Variants in PITPNB observed in about 807,000 individuals in gnomAD.
PITPNB encodes the protein phosphatidylinositol transfer protein beta.
Under a neutral mutation model 45.9 loss-of-function variants are expected in PITPNB, and 16 were observed. That is an observed-to-expected ratio of 0.35 (90% CI 0.24 to 0.53). The LOEUF is 0.53. Ranked by LOEUF, PITPNB falls within the 20% of genes least tolerant of loss-of-function variation. The probability of loss-of-function intolerance (pLI) is 0.93; values close to 1 mark genes in which losing one functional copy is unlikely to be tolerated. For synonymous variants in PITPNB, 112 were observed against 108.9 expected (o/e 1.03, Z -0.18); for missense variants, 188 against 330.5 (o/e 0.57, Z 3.34).
chr22:27,863,380 T>C (rs1934394975), intron 8 of PITPNB, among the ~76,000 whole-genome samples: 1 of 152,140 alleles, frequency 6.6e-6, no homozygotes, highest in South Asian at 2.1e-4. Context: ...GTGGTAAACA[T>C]TACATATCCT....
chr22:27,893,287 CTTT>C (rs33997388), intron 7 of PITPNB, among the ~76,000 whole-genome samples: 8 of 141,332 alleles, frequency 5.7e-5, no homozygotes, highest in Non-Finnish European at 4.7e-5. Flanking sequence ...CTGTTTTTTC[CTTT>C]TTTTTTTTTT....
intron 7 of PITPNB, among the ~76,000 whole-genome samples, chr22:27,889,907 A>C (rs1462399410): frequency 6.6e-6 from 1 of 152,266 alleles, no homozygotes; most frequent in Non-Finnish European, 1.5e-5. Context: ...GGGCAGAATG[A>C]AATGAACTAA....
At chr22:27,898,928 C>T (rs540327242) in intron 3 of PITPNB, among the ~76,000 whole-genome samples, 12 of 152,286 alleles carry the variant, frequency 7.9e-5, no homozygotes, top group African/African-American at 2.9e-4. Flanking sequence ...TAACAGTCTT[C>T]AAATAAATGC....
At position 27,858,370 on chromosome 22, in the gene PITPNB, A is replaced by G; in HGVS notation, c.768+17T>C. On this transcript the variant is annotated intron_variant, in intron 10 of 11. Coordinates refer to ENST00000335272, the MANE Select transcript of PITPNB (RefSeq NM_012399.5). ...AAAGGGAAAATTAGAGAATTGCCAT[A>G]GAACAGCCAGTCTTACTGTTTCTAG... The G allele has an allele frequency of 6.3e-7, 1 of 1,587,116 alleles. No homozygotes were observed. Among genetic ancestry groups the G allele is most frequent in the African/African-American group, 1.4e-5 (1 of 73,598 alleles).
chr22:27,896,469 A>T, intron 6 of PITPNB, 83 bp downstream of exon 6: 1 of 914,146 alleles, frequency 1.1e-6, no homozygotes, highest in Non-Finnish European at 1.8e-6. Context: ...AGGTGACATT[A>T]CTTTGATGAT....
chr22:27,878,390 C>T (rs773420760), intron 7 of PITPNB, among the ~76,000 whole-genome samples: 1 of 152,098 alleles, frequency 6.6e-6, no homozygotes, highest in African/African-American at 2.4e-5. Flanking sequence ...AAAAAGTTTA[C>T]ATTAAATTTT....
intron 8 of PITPNB, among the ~76,000 whole-genome samples, chr22:27,871,842 A>T (rs1934669587): frequency 6.6e-6 from 1 of 152,114 alleles, no homozygotes; most frequent in Admixed American, 6.5e-5. Context: ...ATGACTGCAG[A>T]TCCTTCATGA....
intron 8 of PITPNB, among the ~76,000 whole-genome samples, chr22:27,862,848 T>C (rs925401562): frequency 2.6e-5 from 4 of 152,182 alleles, no homozygotes; most frequent in Admixed American, 2.6e-4. Context: ...CATCCTCCTG[T>C]TGTGGATGCT....
chr22:27,858,249 C>CCA (rs1934227617), intron 10 of PITPNB, 138 bp downstream of exon 10: 1 of 673,002 alleles, frequency 1.5e-6, no homozygotes, highest in African/African-American at 1.8e-5. Flanking sequence ...CTAAGAAACT[C>CCA]CATTTTGATG....
chr22:27,891,608 G>A (rs999000879), intron 7 of PITPNB, among the ~76,000 whole-genome samples: 1 of 152,152 alleles, frequency 6.6e-6, no homozygotes, highest in Non-Finnish European at 1.5e-5. Flanking sequence ...GACCATGGGG[G>A]CAGCTTCCCC....
chr22:27,875,050 A>G (rs1170494731), intron 7 of PITPNB, among the ~76,000 whole-genome samples: 1 of 152,250 alleles, frequency 6.6e-6, no homozygotes, highest in Admixed American at 6.5e-5. Context: ...ACAGTTACTC[A>G]GTAAGTGCAT....
At chr22:27,907,455 A>C (rs1935798075) in intron 3 of PITPNB, among the ~76,000 whole-genome samples, 1 of 152,188 alleles carries the variant, frequency 6.6e-6, no homozygotes, top group Non-Finnish European at 1.5e-5. Context: ...CCTCCTCCAG[A>C]GGACAGCAAA....
chr22:27,886,103 G>A (rs1315299496), intron 7 of PITPNB, among the ~76,000 whole-genome samples: 1 of 152,344 alleles, frequency 6.6e-6, no homozygotes, highest in East Asian at 1.9e-4. Flanking sequence ...GCAGAAGGAC[G>A]CTTCCCTCTT....
Position 27,853,488 on chromosome 22 carries a change from C to G in PITPNB, c.*214G>C. On this transcript the variant is annotated 3_prime_UTR_variant, in exon 12 of 12. Transcript: ENST00000335272. Reference sequence around the variant, plus strand: ...TGTAGCTCTACATGCGCTTTATATACAGCTACAGACATATGCACACATACA... The same window carrying G: ...TGTAGCTCTACATGCGCTTTATATAGAGCTACAGACATATGCACACATACA... 2 of 724,304 alleles carry G rather than the reference C, an allele frequency of 2.8e-6. No individual in the cohort carries two copies. The highest frequency in any genetic ancestry group is 3.2e-5 in the South Asian group (2 of 61,890). The allele number at this position is 724,304 out of a possible 1,614,324, so 44.9% of individuals were successfully genotyped here.
intron 7 of PITPNB, among the ~76,000 whole-genome samples, chr22:27,891,345 C>T (rs1180255880): frequency 2.6e-5 from 4 of 152,180 alleles, no homozygotes; most frequent in Non-Finnish European, 2.9e-5. Flanking sequence ...GAGCTATGAA[C>T]ATCAAAAAGC....
intron 7 of PITPNB, among the ~76,000 whole-genome samples, chr22:27,874,983 A>T (rs1934779425): frequency 6.6e-6 from 1 of 152,246 alleles, no homozygotes; most frequent in Admixed American, 6.5e-5. Context: ...AACTTTCCAC[A>T]AATCAAACAA....
At chr22:27,905,626 A>G (rs1935733563) in intron 3 of PITPNB, among the ~76,000 whole-genome samples, 2 of 152,242 alleles carry the variant, frequency 1.3e-5, no homozygotes, top group Non-Finnish European at 2.9e-5. Flanking sequence ...AAATTTTAAA[A>G]TAACTATTTT....
chr22:27,883,344 C>A (rs1041527053), intron 7 of PITPNB, among the ~76,000 whole-genome samples: 6 of 152,220 alleles, frequency 3.9e-5, no homozygotes, highest in African/African-American at 7.2e-5. Context: ...CCCTGGGCTA[C>A]AAATTCTTTT....
intron 3 of PITPNB, among the ~76,000 whole-genome samples, chr22:27,908,378 T>C (rs943639833): frequency 4.6e-5 from 7 of 151,054 alleles, no homozygotes; most frequent in Admixed American, 6.6e-5. Context: ...TAATGTATTA[T>C]GTATTACACA....
Sources: allele counts gnomAD v4.1 joint callset (sites outside exome capture counted in the v4.1 genomes callset), GRCh38; gene constraint gnomAD v4.1.1; transcripts MANE v1.5; gene names NCBI Gene and HGNC (gene_info 2026-07-23, HGNC 2026-07-21).